CSMD3: variants seen among roughly 807,000 people sequenced by gnomAD.
CSMD3 encodes the protein CUB and Sushi multiple domains 3.
A neutral mutation model predicts 435.2 loss-of-function variants in CSMD3; 177 were observed. That is an observed-to-expected ratio of 0.41 (90% confidence interval 0.36 to 0.46). CSMD3 has a LOEUF of 0.46. Ranked by LOEUF, CSMD3 falls within the 20% of genes least tolerant of loss-of-function variation. The pLI, the probability that CSMD3 is intolerant of heterozygous loss-of-function variation, is 0.34. For missense variants in CSMD3, 4,265 were observed against 4,504.6 expected (o/e 0.95, Z 1.52); for synonymous variants, 1,656 against 1,520.5 (o/e 1.09, Z -2.07).
intron 35 of CSMD3, among the ~76,000 whole-genome samples, chr8:112,401,583 A>G (rs1229451811): frequency 6.6e-6 from 1 of 152,146 alleles, no homozygotes; most frequent in Non-Finnish European, 1.5e-5. Flanking sequence ...ATTTTATGTT[A>G]AAAAATTTGC....
intron 32 of CSMD3, among the ~76,000 whole-genome samples, chr8:112,467,730 G>A (rs764297824): frequency 2.0e-5 from 3 of 152,080 alleles, no homozygotes; most frequent in Non-Finnish European, 4.4e-5. Context: ...AAAACAGACA[G>A]ACACACAGAA....
intron 31 of CSMD3, among the ~76,000 whole-genome samples, chr8:112,481,272 A>C (rs2130798199): frequency 6.6e-6 from 1 of 152,330 alleles, no homozygotes; most frequent in Middle Eastern, 3.4e-3. Context: ...GAATTAGAAG[A>C]AATTTCAAAA....
At chr8:113,095,701 T>C (rs1324732124) in intron 5 of CSMD3, among the ~76,000 whole-genome samples, 1 of 152,060 alleles carries the variant, frequency 6.6e-6, no homozygotes, top group African/African-American at 2.4e-5. Context: ...TACAACAAAA[T>C]GATACATACA....
intron 12 of CSMD3, among the ~76,000 whole-genome samples, chr8:112,816,732 CA>C (rs2079386510): frequency 6.6e-6 from 1 of 151,842 alleles, no homozygotes; most frequent in Non-Finnish European, 1.5e-5. Context: ...CAATGATAGT[CA>C]TCTATTTACA....
At chr8:112,833,796 G>A (rs1164301519) in intron 11 of CSMD3, among the ~76,000 whole-genome samples, 1 of 151,890 alleles carries the variant, frequency 6.6e-6, no homozygotes, top group East Asian at 1.9e-4. Context: ...ACACTACCAT[G>A]TTTCTTATAT....
In CSMD3 at chr8:112,305,939, AC is replaced by A. The variant is rs1248834974; in HGVS notation, c.8071+67del. 9.3e-6 allele frequency: 12 copies of A among 1,290,970 alleles called. No individual in the cohort carries two copies. The East Asian group carries it at 2.8e-4, about 30-fold the overall frequency. The allele number at this position is 1,290,970 out of a possible 1,614,324, so 80.0% of individuals were successfully genotyped here. On this transcript the variant is annotated intron_variant, in intron 51 of 70. Coordinates refer to ENST00000297405, the MANE Select transcript of CSMD3 (RefSeq NM_198123.2). The stretch of plus-strand genomic sequence containing the variant: ...GGATTGGTTTTTATAATTCTAAAAT[AC>A]ATAAAATTTCAGGTATATAAAATAC...
At chr8:113,291,760 C>A (rs969641554) in intron 2 of CSMD3, among the ~76,000 whole-genome samples, 1 of 151,598 alleles carries the variant, frequency 6.6e-6, no homozygotes, top group Admixed American at 6.6e-5. Context: ...TCAATAAAGT[C>A]AGAGAGAGGG....
chr8:112,406,820 T>C, intron 34 of CSMD3, 93 bp from the exon 35 acceptor site: 1 of 686,466 alleles, frequency 1.5e-6, no homozygotes, highest in Non-Finnish European at 2.3e-6. Context: ...TGAGAAATCA[T>C]CACTTTTTAT....
intron 59 of CSMD3, among the ~76,000 whole-genome samples, chr8:112,275,691 A>G (rs1666935553): frequency 6.6e-6 from 1 of 152,152 alleles, no homozygotes; most frequent in Non-Finnish European, 1.5e-5. Context: ...AAAAGTGGAA[A>G]CCTCTTATAA....
chr8:112,954,361 A>C (rs1425986454), intron 8 of CSMD3, among the ~76,000 whole-genome samples: 1 of 151,512 alleles, frequency 6.6e-6, no homozygotes, highest in Non-Finnish European at 1.5e-5. Flanking sequence ...CAATTTTAGA[A>C]ATGTTACTCA....
At chr8:112,522,560 AAATGAATG>A (rs951796267) in intron 27 of CSMD3, among the ~76,000 whole-genome samples, 2 of 151,892 alleles carry the variant, frequency 1.3e-5, no homozygotes, top group Non-Finnish European at 2.9e-5. Flanking sequence ...AGTTAAAAAC[AAATGAATG>A]AATGAATGAA....
chr8:113,370,070 A>C (rs2094337522), intron 1 of CSMD3, among the ~76,000 whole-genome samples: 1 of 151,842 alleles, frequency 6.6e-6, no homozygotes, highest in Non-Finnish European at 1.5e-5. Context: ...TCTCATCACA[A>C]AACTGCTAAC....
At position 113,217,036 on chromosome 8, in the gene CSMD3, TA is replaced by T. The variant is rs2092913660; in HGVS notation, c.515-43121del. On this transcript the variant is annotated intron_variant, in intron 3 of 70. Transcript: ENST00000297405. ...TGTTGGAGTTCAAATCCAGTCGTAATAAATAAACTTCACCGATTCTTTTAGG... is the reference window on the plus strand; with the variant it reads ...TGTTGGAGTTCAAATCCAGTCGTAATAATAAACTTCACCGATTCTTTTAGG... Among the ~76,000 whole-genome samples, 3 of 151,780 alleles carry T rather than the reference TA, an allele frequency of 2.0e-5. No individual in the cohort carries two copies. The South Asian group carries it at 6.2e-4, about 31-fold the overall frequency.
In CSMD3 at chr8:113,318,645, A is replaced by T. The variant is rs565394740; in HGVS notation, c.179-3852T>A. Among the ~76,000 whole-genome samples the T allele has an allele frequency of 1.5e-3, 228 of 151,810 alleles. 3 individuals carry two copies. Among genetic ancestry groups the T allele is most frequent in the African/African-American group, 4.3e-3 (180 of 41,454 alleles). ...CTATGCGTGTGTACTTAAGCTTTTT[A>T]AAAAAAATATATTCCACATATAGGT... is the stretch of plus-strand genomic sequence containing the variant. On this transcript the variant is annotated intron_variant, in intron 1 of 70. Coordinates refer to ENST00000297405, the MANE Select transcript of CSMD3 (RefSeq NM_198123.2).
intron 27 of CSMD3, among the ~76,000 whole-genome samples, chr8:112,523,884 T>G (rs2131028128): frequency 6.6e-6 from 1 of 152,208 alleles, no homozygotes; most frequent in Non-Finnish European, 1.5e-5. Flanking sequence ...AGGTTAAAGT[T>G]GATGGCAGCA....
chr8:112,982,081 GTTGA>G (rs1260896336), intron 6 of CSMD3, among the ~76,000 whole-genome samples: 7 of 151,900 alleles, frequency 4.6e-5, no homozygotes, highest in Admixed American at 4.0e-4. Context: ...GCTTCACCCA[GTTGA>G]TTAAGAGAAA....
At chr8:112,792,723 T>C (rs1018264777) in intron 13 of CSMD3, among the ~76,000 whole-genome samples, 8 of 152,172 alleles carry the variant, frequency 5.3e-5, no homozygotes, top group Non-Finnish European at 1.2e-4. Flanking sequence ...TTATTGTATA[T>C]TGCATGAGTT....
chr8:112,490,514 G>A (rs1021981380), intron 31 of CSMD3, among the ~76,000 whole-genome samples: 1 of 152,120 alleles, frequency 6.6e-6, no homozygotes. Flanking sequence ...CTTAGTGAAA[G>A]CATACTTTAG....
chr8:112,937,623 T>G (rs1429404921), intron 9 of CSMD3, among the ~76,000 whole-genome samples: 5 of 152,088 alleles, frequency 3.3e-5, no homozygotes, highest in Non-Finnish European at 7.4e-5. Context: ...AGTACTAGGA[T>G]TACAGGCATG....
Sources: allele counts gnomAD v4.1 joint callset (sites outside exome capture counted in the v4.1 genomes callset), GRCh38; gene constraint gnomAD v4.1.1; transcripts MANE v1.5; gene names NCBI Gene and HGNC (gene_info 2026-07-23, HGNC 2026-07-21).